Variants in DESI2 observed in about 807,000 individuals in gnomAD.
The protein encoded by DESI2 is deubiquitinase DESI2.
DESI2 carries 10 observed loss-of-function variants against 24.1 expected under a neutral mutation model. The observed-to-expected ratio is 0.41, with a 90% CI of 0.26 to 0.70. The LOEUF (loss-of-function observed/expected upper bound fraction) is 0.70. DESI2 is among the 30% of genes least tolerant of loss of function. DESI2 has a pLI of 0.29. For synonymous variants in DESI2, 71 were observed against 87.7 expected, an observed-to-expected ratio of 0.81 and a Z score of 1.06; for missense variants, 122 against 234.9, an observed-to-expected ratio of 0.52 and a Z score of 3.14.
chr1:244,672,501 A>G (rs28433109), intron 1 of DESI2, among the ~76,000 whole-genome samples: 2,987 of 152,326 alleles, frequency 0.02, 45 homozygotes, highest in Non-Finnish European at 0.032. Context: ...ACCCAGTCTC[A>G]GGTATTACTT....
chr1:244,684,366 G>A (rs928420965), intron 1 of DESI2, among the ~76,000 whole-genome samples: 3 of 152,090 alleles, frequency 2.0e-5, no homozygotes, highest in South Asian at 2.1e-4. Flanking sequence ...CCCTAGCCAC[G>A]TGTACTCCTC....
intron 1 of DESI2, among the ~76,000 whole-genome samples, chr1:244,659,560 A>G (rs1485071974): frequency 1.3e-5 from 2 of 152,174 alleles, no homozygotes; most frequent in African/African-American, 2.4e-5. Flanking sequence ...CCATCTTCAG[A>G]CCGGCAATGG....
intron 1 of DESI2, among the ~76,000 whole-genome samples, chr1:244,667,322 A>C (rs1035722957): frequency 6.6e-6 from 1 of 152,174 alleles, no homozygotes; most frequent in Admixed American, 6.5e-5. Flanking sequence ...AGCCATTCCA[A>C]ATGGGAGAAA....
At chr1:244,657,166 A>G (rs1195929723) in intron 1 of DESI2, among the ~76,000 whole-genome samples, 1 of 152,210 alleles carries the variant, frequency 6.6e-6, no homozygotes, top group Non-Finnish European at 1.5e-5. Flanking sequence ...AAATAAGGAC[A>G]TTTTTGTCTG....
rs372916872 is a variant in DESI2, at chr1:244,653,396, C to A, written c.42+41C>A. ...GGCGGCCCCGAGCCCTGGCCCAGGC[C>A]GGCTTCCTCTCGCCCGTGGGGCTCG... On this transcript the variant is annotated intron_variant, in intron 1 of 4. Transcript: ENST00000302550. 1.2e-5 allele frequency: 19 copies of A among 1,535,776 alleles called. No homozygotes were observed. The African/African-American group carries it at 2.8e-4, about 22-fold the overall frequency.
intron 4 of DESI2, among the ~76,000 whole-genome samples, chr1:244,701,198 G>T: frequency 8.4e-6 from 1 of 119,168 alleles, no homozygotes. Context: ...GGGCATGACT[G>T]GACCACCTTC....
At chr1:244,686,344 C>T (rs1676820524) in intron 1 of DESI2, among the ~76,000 whole-genome samples, 1 of 151,738 alleles carries the variant, frequency 6.6e-6, no homozygotes, top group Admixed American at 6.6e-5. Flanking sequence ...ACAAACTGAT[C>T]AAGCTTTTAA....
intron 4 of DESI2, among the ~76,000 whole-genome samples, chr1:244,702,967 T>C (rs1017217227): frequency 6.6e-6 from 1 of 151,080 alleles, no homozygotes; most frequent in African/African-American, 2.4e-5. Context: ...ATGTCCCAGG[T>C]GTAAAGTACA....
chr1:244,686,536 A>C, intron 1 of DESI2, 61 bp from the exon 2 acceptor site: 350 of 937,892 alleles, frequency 3.7e-4, no homozygotes, highest in Non-Finnish European at 5.4e-4. Context: ...TCACTTCTGT[A>C]GCGCGGAGTT....
At chr1:244,665,914 C>T (rs993489482) in intron 1 of DESI2, among the ~76,000 whole-genome samples, 7 of 152,180 alleles carry the variant, frequency 4.6e-5, no homozygotes, top group Non-Finnish European at 1.0e-4. Flanking sequence ...ACAGTCACTC[C>T]CTCTGTCATA....
intron 1 of DESI2, among the ~76,000 whole-genome samples, chr1:244,663,252 G>C (rs896430048): frequency 9.2e-5 from 14 of 151,760 alleles, no homozygotes; most frequent in South Asian, 2.1e-4. Flanking sequence ...TCTCGGCTCA[G>C]TGCAAGCTCC....
chr1:244,654,208 T>A (rs1675569460), intron 1 of DESI2, among the ~76,000 whole-genome samples: 1 of 152,186 alleles, frequency 6.6e-6, no homozygotes, highest in Non-Finnish European at 1.5e-5. Context: ...GTTAGATGCA[T>A]GTTTGGGTGT....
intron 1 of DESI2, among the ~76,000 whole-genome samples, chr1:244,659,731 T>C (rs751531817): frequency 4.6e-5 from 7 of 152,214 alleles, no homozygotes; most frequent in Non-Finnish European, 8.8e-5. Flanking sequence ...ATAATTTCAA[T>C]GACATCTGCA....
chr1:244,653,428 G>T, intron 1 of DESI2, 73 bp downstream of exon 1: 1 of 1,457,040 alleles, frequency 6.9e-7, no homozygotes, highest in East Asian at 2.7e-5. Context: ...CTCGGACCCC[G>T]GCCCCAGGCG....
intron 1 of DESI2, among the ~76,000 whole-genome samples, chr1:244,682,850 T>C (rs1313887067): frequency 7.7e-6 from 1 of 130,680 alleles, no homozygotes; most frequent in Non-Finnish European, 1.6e-5. Flanking sequence ...ATATAGTGTG[T>C]TGTCAAAAAA....
chr1:244,661,605 T>A (rs1675846783), intron 1 of DESI2, among the ~76,000 whole-genome samples: 1 of 147,476 alleles, frequency 6.8e-6, no homozygotes, highest in Admixed American at 6.7e-5. Flanking sequence ...TTCCCCTTCC[T>A]GTGTCCAAGT....
intron 3 of DESI2, among the ~76,000 whole-genome samples, chr1:244,691,522 G>A (rs769618488): frequency 2.7e-4 from 41 of 152,362 alleles, no homozygotes; most frequent in Non-Finnish European, 4.7e-4. Context: ...AAATTACGCA[G>A]GAATATTTGC....
intron 1 of DESI2, among the ~76,000 whole-genome samples, chr1:244,686,381 G>A (rs1676824557): frequency 6.6e-6 from 1 of 151,946 alleles, no homozygotes; most frequent in African/African-American, 2.4e-5. Flanking sequence ...AGAAGCCTTA[G>A]ATAATGTGCT....
intron 1 of DESI2, among the ~76,000 whole-genome samples, chr1:244,678,720 A>G (rs1358975687): frequency 6.6e-6 from 1 of 152,208 alleles, no homozygotes; most frequent in African/African-American, 2.4e-5. Flanking sequence ...TTGTAGCCAA[A>G]CCATTATGTA....
Sources: allele counts gnomAD v4.1 joint callset (sites outside exome capture counted in the v4.1 genomes callset), GRCh38; gene constraint gnomAD v4.1.1; transcripts MANE v1.5; gene names NCBI Gene and HGNC (gene_info 2026-07-23, HGNC 2026-07-21).